Variants in COLEC11 observed in about 807,000 individuals in gnomAD.
COLEC11 encodes the protein collectin subfamily member 11.
In COLEC11, 20 loss-of-function variants were observed where a neutral mutation model predicts 27.3. The ratio of observed to expected loss-of-function variants is 0.73; its 90% CI spans 0.51 to 1.06. COLEC11 has a LOEUF of 1.06. Ranked by LOEUF, COLEC11 falls within the 50% of genes least tolerant of loss-of-function variation. The probability of loss-of-function intolerance (pLI) is 0.00; values close to 1 mark genes in which losing one functional copy is unlikely to be tolerated. For missense variants in COLEC11, 310 were observed against 383.0 expected (o/e 0.81, Z 1.59); for synonymous variants, 163 against 154.7 (o/e 1.05, Z -0.40).
intron 2 of COLEC11, among the ~76,000 whole-genome samples, chr2:3,609,050 A>C (rs539379216): frequency 6.6e-6 from 1 of 152,348 alleles, no homozygotes; most frequent in African/African-American, 2.4e-5. Context: ...GCCGTGAGGC[A>C]TTTGGGGTGC....
At chr2:3,628,086 C>T (rs144033846) in intron 3 of COLEC11, among the ~76,000 whole-genome samples, 11 of 152,348 alleles carry the variant, frequency 7.2e-5, no homozygotes, top group Non-Finnish European at 1.2e-4. Flanking sequence ...CTCATCCTTG[C>T]GTCTTCAGGT....
chr2:3,640,586 A>G (rs1404100218), intron 5 of COLEC11, among the ~76,000 whole-genome samples: 1 of 70,258 alleles, frequency 1.4e-5, no homozygotes, highest in South Asian at 6.6e-4. Flanking sequence ...CCCACCCACC[A>G]TGTAGATCCC....
intron 1 of COLEC11, chr2:3,603,526 A>T: frequency 1.2e-6 from 1 of 868,768 alleles, no homozygotes; most frequent in Non-Finnish European, 1.9e-6. Context: ...CATGTTGTCC[A>T]GACTGGTCTC....
At position 3,616,577 on chromosome 2, in the gene COLEC11, C is replaced by T. The variant is rs574628284; in HGVS notation, c.202+3195C>T. On this transcript the variant is annotated intron_variant, in intron 3 of 6. Transcript: ENST00000349077. ...CTGGAGACCAGCCCGGCCAACACAG[C>T]GAAACCCCGTCTCCACCAAAAAAAT... is the stretch of plus-strand genomic sequence containing the variant. 3.0e-4 allele frequency among the ~76,000 whole-genome samples: 46 copies of T among 152,334 alleles called. No homozygotes were observed. In the South Asian group the frequency reaches 6.8e-3, roughly 23 times the overall value.
chr2:3,620,723 A>G (rs565617423), intron 3 of COLEC11, among the ~76,000 whole-genome samples: 79 of 152,252 alleles, frequency 5.2e-4, no homozygotes, highest in African/African-American at 1.9e-3. Context: ...GCTGTAGCCC[A>G]TAAGTTTTTG....
intron 2 of COLEC11, among the ~76,000 whole-genome samples, chr2:3,612,937 G>C (rs1050354947): frequency 1.3e-5 from 2 of 150,424 alleles, no homozygotes; most frequent in African/African-American, 5.0e-5. Context: ...TCGGGGTGAC[G>C]CTTCCCATGG....
chr2:3,630,265 G>A (rs549464664), intron 3 of COLEC11, among the ~76,000 whole-genome samples: 2 of 152,280 alleles, frequency 1.3e-5, no homozygotes, highest in East Asian at 1.9e-4. Context: ...GTACATGCAT[G>A]TATGTGTGTA....
At chr2:3,603,697 T>C (rs1234233220) in intron 1 of COLEC11, 11 of 1,549,458 alleles carry the variant, frequency 7.1e-6, no homozygotes, top group Admixed American at 2.0e-5. Context: ...GATGGTCAGA[T>C]GTCCATGACA....
At chr2:3,633,282 G>T (rs775689349) in intron 3 of COLEC11, among the ~76,000 whole-genome samples, 2 of 152,226 alleles carry the variant, frequency 1.3e-5, no homozygotes, top group African/African-American at 4.8e-5. Context: ...CTTCGGGAAA[G>T]ACTTATTAGT....
chr2:3,632,269 CTGTA>C (rs1665070174), intron 3 of COLEC11, among the ~76,000 whole-genome samples: 1 of 152,202 alleles, frequency 6.6e-6, no homozygotes, highest in Non-Finnish European at 1.5e-5. Context: ...TCCTGGCTCA[CTGTA>C]TGACCTGTGG....
intron 5 of COLEC11, among the ~76,000 whole-genome samples, chr2:3,642,302 G>C (rs1187462210): frequency 6.6e-6 from 1 of 152,210 alleles, no homozygotes; most frequent in East Asian, 1.9e-4. Context: ...GCAGGGATAG[G>C]AGCAGCACGC....
intron 3 of COLEC11, among the ~76,000 whole-genome samples, chr2:3,632,703 A>G (rs954156665): frequency 9.2e-5 from 14 of 152,326 alleles, no homozygotes; most frequent in African/African-American, 3.1e-4. Context: ...AGCTGAAATC[A>G]GCGTGTACGT....
chr2:3,597,496 T>A (rs915861672), intron 1 of COLEC11, among the ~76,000 whole-genome samples: 2 of 152,194 alleles, frequency 1.3e-5, no homozygotes, highest in African/African-American at 4.8e-5. Flanking sequence ...TCTGGGTTTC[T>A]CTGCTCACTA....
At chr2:3,641,254 C>T (rs1665841858) in intron 5 of COLEC11, 1 of 1,304,210 alleles carries the variant, frequency 7.7e-7, no homozygotes, top group Admixed American at 2.3e-5. Flanking sequence ...TTCGGCACCG[C>T]AGAGATGAGG....
rs1376567297 is a variant in COLEC11, at chr2:3,604,318, T to C, written c.-23T>C. On this transcript the variant is annotated 5_prime_UTR_variant, in exon 2 of 7. Transcript: ENST00000349077. ...GTTTATTCCTTCCTCTGTGTAGGAG[T>C]TGGTGTCCTGCCTGCGCTCAGGATG... 5.6e-6 allele frequency: 9 copies of C among 1,613,964 alleles called. No homozygotes were observed. The African/African-American group carries it at 6.7e-5, about 12-fold the overall frequency.
chr2:3,610,442 T>C (rs11123643), intron 2 of COLEC11, among the ~76,000 whole-genome samples: 105,074 of 151,818 alleles, frequency 0.69, 36,864 homozygotes, highest in South Asian at 0.89. Context: ...TTCTCAGAGT[T>C]TTCAGCCAGT....
intron 1 of COLEC11, 45 bp downstream of exon 1, chr2:3,595,213 T>C: frequency 3.6e-6 from 1 of 279,472 alleles, no homozygotes; most frequent in East Asian, 1.2e-4. Flanking sequence ...TTCACGGGGC[T>C]ATGACAGTGC....
In COLEC11 at chr2:3,602,858, G is replaced by C. The variant is rs978267487; in HGVS notation, c.-26-1457G>C. On this transcript the variant is annotated intron_variant, in intron 1 of 6. Coordinates refer to ENST00000349077, the MANE Select transcript of COLEC11 (RefSeq NM_024027.5). This position sits in a 1 kb window ranked among gnomAD's most constrained non-coding sequence, Gnocchi z 6.2. The stretch of plus-strand genomic sequence containing the variant: ...TCCCTGGCAACCATCCTGAACAGCA[G>C]CATGTGTCCCGGCCACTGGACTCTG... 6.6e-6 allele frequency among the ~76,000 whole-genome samples: 1 copy of C among 152,224 alleles called. No homozygotes were observed. Among genetic ancestry groups the C allele is most frequent in the South Asian group, 2.1e-4 (1 of 4,836 alleles).
chr2:3,622,536 A>G (rs747447017), intron 3 of COLEC11, among the ~76,000 whole-genome samples: 5 of 152,238 alleles, frequency 3.3e-5, no homozygotes, highest in Non-Finnish European at 7.3e-5. Context: ...TAGTATTGAG[A>G]GAGTGGGCCT....
Sources: allele counts gnomAD v4.1 joint callset (sites outside exome capture counted in the v4.1 genomes callset), GRCh38; gene constraint gnomAD v4.1.1; non-coding constraint Gnocchi (gnomAD v3.1); transcripts MANE v1.5; gene names NCBI Gene and HGNC (gene_info 2026-07-23, HGNC 2026-07-21).